Variants in NRAP observed in about 807,000 individuals in gnomAD.
NRAP encodes nebulin-related-anchoring protein.
Under a neutral mutation model 225.9 loss-of-function variants are expected in NRAP, and 189 were observed. That is an observed-to-expected ratio of 0.84 (90% CI 0.74 to 0.94). The LOEUF (loss-of-function observed/expected upper bound fraction) is 0.94, where lower values mean the gene tolerates loss of function less well. Among genes scored for constraint, NRAP ranks in the 40% least tolerant of loss-of-function variants. The pLI is 0.00. For missense variants in NRAP, 2,176 were observed against 2,168.7 expected, an observed-to-expected ratio of 1.00 and a Z score of -0.07; for synonymous variants, 769 against 790.7, an observed-to-expected ratio of 0.97 and a Z score of 0.46.
chr10:113,589,190 C>CCCTCCCTTTCCTTT, intron 41 of NRAP, 111 bp from the exon 42 acceptor site: 1 of 795,516 alleles, frequency 1.3e-6, no homozygotes, highest in Non-Finnish European at 2.0e-6. Context: ...AACAGGCTCA[C>CCCTCCCTTTCCTTT]CCTCCCTTTC....
At chr10:113,615,973 C>T (rs1005709735) in intron 26 of NRAP, among the ~76,000 whole-genome samples, 157 bp from the exon 27 acceptor site, 2 of 152,256 alleles carry the variant, frequency 1.3e-5, no homozygotes, top group African/African-American at 2.4e-5. Flanking sequence ...ACAGCTAGCA[C>T]GGTGACACGC....
chr10:113,663,892 G>A lies in NRAP; in HGVS notation c.-10C>T, dbSNP rs201011421. On this transcript the variant is annotated 5_prime_UTR_variant, in exon 1 of 42. Transcript: ENST00000359988. The stretch of plus-strand genomic sequence containing the variant: ...AGGGCTGCACATTCATCTCGAAGCC[G>A]GAAGAGAGAGGACAAAGATAGGCAA... The A allele has an allele frequency of 4.4e-5, 71 of 1,608,068 alleles. No individual in the cohort carries two copies. Among genetic ancestry groups the A allele is most frequent in the South Asian group, 3.0e-4 (27 of 90,926 alleles).
intron 31 of NRAP, 47 bp downstream of exon 31, chr10:113,610,412 C>G (rs374519760): frequency 2.4e-6 from 2 of 850,572 alleles, no homozygotes; most frequent in African/African-American, 3.3e-5. Context: ...TGATTATCCT[C>G]TGCTGTGGAA....
intron 14 of NRAP, among the ~76,000 whole-genome samples, chr10:113,636,633 T>C (rs960096186): frequency 2.0e-5 from 3 of 152,192 alleles, no homozygotes; most frequent in African/African-American, 4.8e-5. Context: ...TTTCCAGTTA[T>C]TCCAAAGAAA....
chr10:113,621,626 A>G (rs906091708), intron 24 of NRAP, among the ~76,000 whole-genome samples: 13 of 152,234 alleles, frequency 8.5e-5, no homozygotes, highest in African/African-American at 1.2e-4. Context: ...TATGTAGTCC[A>G]GAATTCCAAG....
chr10:113,596,954 C>T, intron 37 of NRAP, 132 bp downstream of exon 37: 1 of 643,216 alleles, frequency 1.6e-6, no homozygotes, highest in Middle Eastern at 4.2e-4. Context: ...ACACACCCAT[C>T]TGTCCAGATC....
chr10:113,658,308 T>C (rs1850437913), intron 3 of NRAP, among the ~76,000 whole-genome samples: 1 of 152,172 alleles, frequency 6.6e-6, no homozygotes, highest in East Asian at 1.9e-4. Flanking sequence ...AATTTGTTCT[T>C]CAAGATTTCT....
rs368937261 is a variant in NRAP at position 113,614,167 on chromosome 10, C to T, written c.3300+16G>A. The T allele has an allele frequency of 2.9e-5, 46 of 1,560,850 alleles. No individual in the cohort carries two copies. The highest frequency in any genetic ancestry group is 4.1e-5 in the African/African-American group (3 of 73,894). On this transcript the variant is annotated intron_variant, in intron 29 of 41. Transcript: ENST00000359988. ...GTGGGGGCCCTGCAGCCGCTGATGC[C>T]TCTCCCCCCACTTACATCACTCTGC...
intron 3 of NRAP, among the ~76,000 whole-genome samples, chr10:113,658,896 A>AG (rs1554872137): frequency 3.1e-4 from 47 of 151,340 alleles, no homozygotes; most frequent in Admixed American, 9.8e-4. Flanking sequence ...AAAAAAAAAA[A>AG]AAAGAAAGAA....
chr10:113,606,689 C>A (rs963035822), intron 32 of NRAP, among the ~76,000 whole-genome samples: 1 of 152,170 alleles, frequency 6.6e-6, no homozygotes, highest in Non-Finnish European at 1.5e-5. Flanking sequence ...TACTAAAGCC[C>A]CAGGATCCTT....
At chr10:113,611,286 T>C (rs909320513) in intron 30 of NRAP, among the ~76,000 whole-genome samples, 3 of 151,878 alleles carry the variant, frequency 2.0e-5, no homozygotes, top group African/African-American at 7.3e-5. Flanking sequence ...CAGTAAACGC[T>C]GTACACAGGC....
Position 113,608,498 on chromosome 10 carries a change from C to T in NRAP, c.3618G>A (p.Gln1206=), listed in dbSNP as rs1426448097. Residue 1206 remains glutamine, a synonymous_variant, in exon 32 of 42, where the codon CAG becomes CAA. Transcript: ENST00000359988. Reference sequence around the variant, plus strand: ...CTGTGTACTTGAATGAGTGGGGATGCTGCCGATATTTACTCTGAATTCACA... The same window carrying T: ...CTGTGTACTTGAATGAGTGGGGATGTTGCCGATATTTACTCTGAATTCACA... ...SELISESKYR[Q]HPHSFKYTAV... is the part of the protein sequence containing the mutation. The T allele has an allele frequency of 6.2e-7, 1 of 1,610,722 alleles. No homozygotes were observed. Among genetic ancestry groups the T allele is most frequent in the Non-Finnish European group, 8.5e-7 (1 of 1,177,452 alleles).
intron 33 of NRAP, 71 bp from the exon 34 acceptor site, chr10:113,605,940 A>G: frequency 9.1e-7 from 1 of 1,104,562 alleles, no homozygotes; most frequent in Non-Finnish European, 1.4e-6. Flanking sequence ...CACCCCTTTC[A>G]TTTATAGCAC....
In NRAP at chr10:113,614,169, C is replaced by T; in HGVS notation, c.3300+14G>A. The T allele has an allele frequency of 6.4e-7, 1 of 1,563,892 alleles. No homozygotes were observed. The highest frequency in any genetic ancestry group is 8.8e-7 in the Non-Finnish European group (1 of 1,134,076). On this transcript the variant is annotated intron_variant, in intron 29 of 41. Coordinates refer to ENST00000359988, the MANE Select transcript of NRAP (RefSeq NM_198060.4). ...GGGGGCCCTGCAGCCGCTGATGCCT[C>T]TCCCCCCACTTACATCACTCTGCAG...
intron 34 of NRAP, 78 bp downstream of exon 34, chr10:113,605,684 G>A: frequency 2.1e-6 from 2 of 967,634 alleles, no homozygotes; most frequent in Non-Finnish European, 3.3e-6. Context: ...TTTAATTCAG[G>A]AAAATCAGCC....
chr10:113,594,967 T>C (rs537630275), intron 38 of NRAP, among the ~76,000 whole-genome samples: 66 of 152,324 alleles, frequency 4.3e-4, no homozygotes, highest in African/African-American at 1.4e-3. Flanking sequence ...TTCTGCCGTC[T>C]CTCTACCTGT....
Position 113,643,005 on chromosome 10 carries a change from C to T in NRAP, c.1144G>A (p.Gly382Ser). ...EYKKDLESSR[G>S]HSINYCETPQ... is the part of the protein sequence containing the mutation. ...GTTTCACAGTAGTTGATACTGTGACCTCTACTACTTTCCAGATCCTTCTTA... is the reference window on the plus strand; with the variant it reads ...GTTTCACAGTAGTTGATACTGTGACTTCTACTACTTTCCAGATCCTTCTTA... Residue 382 changes from glycine to serine, a missense_variant, in exon 12 of 42, where the codon GGT (glycine) becomes AGT (serine). Gly to Ser is a moderately conservative substitution (Grantham distance 56, BLOSUM62 0). This residue lies in a region of NRAP where 1,708 missense variants were observed against 1,695.5 expected (regional missense o/e 1.01). Coordinates refer to ENST00000359988, the MANE Select transcript of NRAP (RefSeq NM_198060.4). The T allele has an allele frequency of 6.3e-7, 1 of 1,597,822 alleles. No homozygotes were observed. The highest frequency in any genetic ancestry group is 8.6e-7 in the Non-Finnish European group (1 of 1,165,106).
intron 38 of NRAP, among the ~76,000 whole-genome samples, chr10:113,594,724 A>G (rs550931082): frequency 6.6e-6 from 1 of 152,350 alleles, no homozygotes; most frequent in African/African-American, 2.4e-5. Flanking sequence ...GGGATCCCAC[A>G]GGGCTTTACA....
Position 113,612,249 on chromosome 10 carries a change from G to A in NRAP, c.3483C>T (p.His1161=), listed in dbSNP as rs748020030. The A allele has an allele frequency of 8.1e-6, 13 of 1,614,078 alleles. No homozygotes were observed. The South Asian group carries it at 1.4e-4, about 18-fold the overall frequency. ...DLRLSCAKKA[H]KLQSENLYRS... ...GTCTCCTTACCTCACTCTGCAATTT[G>A]TGAGCTTTCTTGGCACAGCTCAGCC... Residue 1161 remains histidine (H), a synonymous_variant, in exon 30 of 42, where the codon CAC becomes CAT. Transcript: ENST00000359988.
Sources: gnomAD v4.1 joint callset for allele counts (sites outside exome capture counted in the v4.1 genomes callset) on GRCh38, gnomAD v4.1.1 for gene constraint, gnomAD v4.1.1 regional missense constraint, MANE v1.5 for transcripts, NCBI Gene and HGNC (gene_info 2026-07-23, HGNC 2026-07-21) for gene names.